Variants in VWA3B observed in about 807,000 individuals in gnomAD.
VWA3B encodes von Willebrand factor A domain containing 3B.
Under a neutral mutation model 158.3 loss-of-function variants are expected in VWA3B, and 138 were observed. That is an observed-to-expected ratio of 0.87 (90% CI 0.76 to 1.00). The LOEUF (loss-of-function observed/expected upper bound fraction) is 1.00, where lower values mean the gene tolerates loss of function less well. VWA3B is among the 50% of genes least tolerant of loss of function. The pLI is 0.00. For synonymous variants in VWA3B, 596 were observed against 587.3 expected (o/e 1.01, Z -0.21); for missense variants, 1,555 against 1,565.1 (o/e 0.99, Z 0.11).
chr2:98,149,015 A>G (rs576003398), intron 7 of VWA3B, among the ~76,000 whole-genome samples: 7 of 152,212 alleles, frequency 4.6e-5, no homozygotes, highest in Non-Finnish European at 1.0e-4. Flanking sequence ...GTGCTGTCTC[A>G]TTCAAGGCAC....
chr2:98,226,676 C>A (rs749960070), intron 14 of VWA3B, among the ~76,000 whole-genome samples: 1 of 152,120 alleles, frequency 6.6e-6, no homozygotes, highest in Non-Finnish European at 1.5e-5. Flanking sequence ...ACATGTCAGA[C>A]AAAGGTCTTA....
the VWA3B span, among the ~76,000 whole-genome samples, chr2:98,329,687 A>T: frequency 1.3e-5 from 2 of 152,302 alleles, no homozygotes; most frequent in Admixed American, 1.3e-4. Flanking sequence ...GGTATTGTGA[A>T]GGTATCTTGT....
intron 9 of VWA3B, among the ~76,000 whole-genome samples, chr2:98,186,437 T>A (rs776547730): frequency 2.6e-5 from 4 of 152,096 alleles, no homozygotes; most frequent in Non-Finnish European, 5.9e-5. Flanking sequence ...ACTACTGCCG[T>A]GCTACCTGGA....
intron 22 of VWA3B, among the ~76,000 whole-genome samples, chr2:98,289,355 T>C (rs1046481213): frequency 6.6e-6 from 1 of 152,170 alleles, no homozygotes; most frequent in Admixed American, 6.5e-5. Flanking sequence ...CTTCCTAATG[T>C]AGGATGAATG....
intron 7 of VWA3B, among the ~76,000 whole-genome samples, chr2:98,159,605 G>A (rs1678393942): frequency 2.0e-5 from 3 of 152,168 alleles, no homozygotes; most frequent in African/African-American, 4.8e-5. Context: ...GGGGGATTGG[G>A]CAGGCATGCA....
At chr2:98,304,707 G>A (rs1044487629) in intron 26 of VWA3B, among the ~76,000 whole-genome samples, 8 of 152,012 alleles carry the variant, frequency 5.3e-5, no homozygotes, top group South Asian at 2.1e-4. Context: ...CCACTGCCTC[G>A]GGTCCTGGAT....
intron 22 of VWA3B, among the ~76,000 whole-genome samples, chr2:98,287,807 T>C (rs1460718685): frequency 2.0e-5 from 3 of 152,194 alleles, no homozygotes; most frequent in Non-Finnish European, 4.4e-5. Context: ...AAAAGGACCT[T>C]GTTCGTTTTT....
At chr2:98,320,873 A>G in the VWA3B span, among the ~76,000 whole-genome samples, 1 of 152,228 alleles carries the variant, frequency 6.6e-6, no homozygotes, top group Non-Finnish European at 1.5e-5. Flanking sequence ...ATAAGTAATG[A>G]GGAGCCAAAT....
chr2:98,203,073 T>C (rs1333868533), intron 12 of VWA3B, among the ~76,000 whole-genome samples: 1 of 152,198 alleles, frequency 6.6e-6, no homozygotes, highest in African/African-American at 2.4e-5. Context: ...CTTTGTGATC[T>C]GCCCGCCTTG....
Position 98,125,886 on chromosome 2 carries a change from G to C in VWA3B, c.703-2353G>C, listed in dbSNP as rs556725801. On this transcript the variant is annotated intron_variant, in intron 5 of 27. Coordinates refer to ENST00000477737, the MANE Select transcript of VWA3B (RefSeq NM_144992.5). This position sits in a 1 kb window ranked among gnomAD's most constrained non-coding sequence, Gnocchi z 4.1. ...TCACTGTGTTAGCCAGGATGGTCTCGATCTCCCGACCTCGTGATCTGCTCG... is the reference window on the plus strand; with the variant it reads ...TCACTGTGTTAGCCAGGATGGTCTCCATCTCCCGACCTCGTGATCTGCTCG... Among the ~76,000 whole-genome samples the C allele has an allele frequency of 3.9e-5, 6 of 152,038 alleles. No homozygotes were observed. Among genetic ancestry groups the C allele is most frequent in the African/African-American group, 1.4e-4 (6 of 41,382 alleles).
At chr2:98,254,861 A>G (rs936128443) in intron 20 of VWA3B, among the ~76,000 whole-genome samples, 2 of 152,152 alleles carry the variant, frequency 1.3e-5, no homozygotes, top group South Asian at 2.1e-4. Flanking sequence ...TACCAGGCTC[A>G]TGATGGGAGG....
At chr2:98,113,506 CCTT>C (rs1053626375) in intron 2 of VWA3B, among the ~76,000 whole-genome samples, 19 of 152,110 alleles carry the variant, frequency 1.2e-4, no homozygotes, top group South Asian at 4.1e-4. Context: ...ACTGTATAAT[CCTT>C]CTTCTAGGAG....
intron 22 of VWA3B, among the ~76,000 whole-genome samples, chr2:98,284,872 G>A (rs10201994): frequency 0.44 from 67,474 of 151,872 alleles, 15,431 homozygotes; most frequent in Non-Finnish European, 0.51. Context: ...CCCCAGTTTC[G>A]GCAGTGTAGC....
At chr2:98,149,938 G>A (rs1253101985) in intron 7 of VWA3B, among the ~76,000 whole-genome samples, 3 of 152,156 alleles carry the variant, frequency 2.0e-5, no homozygotes, top group Non-Finnish European at 4.4e-5. Context: ...TAATTTTGAT[G>A]TTTGATACTC....
intron 21 of VWA3B, among the ~76,000 whole-genome samples, chr2:98,258,919 G>A (rs1687318053): frequency 6.6e-6 from 1 of 151,736 alleles, no homozygotes; most frequent in Admixed American, 6.6e-5. Flanking sequence ...TGATCCCAGT[G>A]AGAAAGAAAG....
chr2:98,216,301 G>A (rs188730342), intron 13 of VWA3B, among the ~76,000 whole-genome samples: 2 of 152,244 alleles, frequency 1.3e-5, no homozygotes, highest in Admixed American at 1.3e-4. Flanking sequence ...AGCTGGCAGG[G>A]TCTTTGCTGG....
Position 98,141,147 on chromosome 2 carries a change from T to C in VWA3B, c.988+7208T>C, listed in dbSNP as rs146166691. Among the ~76,000 whole-genome samples the C allele has an allele frequency of 5.2e-3, 798 of 152,352 alleles. 3 individuals carry two copies. The highest frequency in any genetic ancestry group is 8.6e-3 in the Non-Finnish European group (583 of 68,036). ...ATCTGCTCTGGTTGGCAGGGTTTCA[T>C]GTGGTGCTGCTGAAGGAGACCTTTT... On this transcript the variant is annotated intron_variant, in intron 7 of 27. Coordinates refer to ENST00000477737, the MANE Select transcript of VWA3B (RefSeq NM_144992.5).
rs115074165 is a variant in VWA3B, at chr2:98,101,171, C to T, written c.196+7883C>T. On this transcript the variant is annotated intron_variant, in intron 2 of 27. Transcript: ENST00000477737. ...GGGAAAATGTACTGTTTTCCTACTG[C>T]GGCCTGCTTTGTGTTATGGTCTGCT... Among the ~76,000 whole-genome samples, 1,449 of 152,300 alleles carry T rather than the reference C, an allele frequency of 9.5e-3. 13 individuals carry two copies. Among genetic ancestry groups the T allele is most frequent in the Admixed American group, 0.016 (244 of 15,302 alleles).
rs1258540352 is a variant in VWA3B, at chr2:98,242,379, A to G, written c.2673+5649A>G. 4.9e-5 allele frequency: 22 copies of G among 452,050 alleles called. 1 individual carries two copies. Among genetic ancestry groups the G allele is most frequent in the South Asian group, 2.0e-4 (13 of 64,066 alleles). The allele number at this position is 452,050 out of a possible 1,614,324, so 28.0% of individuals were successfully genotyped here. A position where few individuals can be genotyped will look rare whatever the true frequency, so the allele number is the denominator to read the frequency against. On this transcript the variant is annotated intron_variant, in intron 19 of 27. Transcript: ENST00000477737. The stretch of plus-strand genomic sequence containing the variant: ...TCGATAATTTTATCTTAGCTCTTTC[A>G]AAAAGATTAACTCTTCCCCAAGTCA...
Sources: gnomAD v4.1 joint callset for allele counts (sites outside exome capture counted in the v4.1 genomes callset) on GRCh38, gnomAD v4.1.1 for gene constraint, Gnocchi (gnomAD v3.1) non-coding constraint, MANE v1.5 for transcripts, NCBI Gene and HGNC (gene_info 2026-07-23, HGNC 2026-07-21) for gene names.